CNBD1: variants seen among roughly 807,000 people sequenced by gnomAD.
CNBD1 encodes the protein cyclic nucleotide binding domain containing 1, also known as cyclic nucleotide-binding domain-containing protein 1.
A neutral mutation model predicts 54.4 loss-of-function variants in CNBD1; 71 were observed. That is an observed-to-expected ratio of 1.30 (90% CI 1.08 to 1.59). The LOEUF is 1.59. Among genes scored for constraint, CNBD1 ranks in the 40% most tolerant of loss-of-function variants. The probability of loss-of-function intolerance (pLI) is 0.00; values close to 1 mark genes in which losing one functional copy is unlikely to be tolerated. For missense variants in CNBD1, 659 were observed against 518.0 expected (o/e 1.27, Z -2.64); for synonymous variants, 182 against 170.7 (o/e 1.07, Z -0.51).
chr8:87,017,468 C>T (rs934355948), intron 4 of CNBD1, among the ~76,000 whole-genome samples: 4 of 152,150 alleles, frequency 2.6e-5, no homozygotes, highest in Non-Finnish European at 5.9e-5. Context: ...GCATTTACTG[C>T]TTTGCTATGG....
chr8:87,209,743 T>TAAAA (rs1814053032), intron 5 of CNBD1, among the ~76,000 whole-genome samples: 1 of 152,122 alleles, frequency 6.6e-6, no homozygotes, highest in South Asian at 2.1e-4. Context: ...AGAACAAAGC[T>TAAAA]AGAGGCATCA....
chr8:87,087,612 A>C (rs1188818164), intron 4 of CNBD1, among the ~76,000 whole-genome samples: 1 of 151,242 alleles, frequency 6.6e-6, no homozygotes, highest in African/African-American at 2.4e-5. Context: ...TACAGGCGCC[A>C]GCCACCACGC....
At chr8:86,947,508 C>T (rs11783526) in intron 4 of CNBD1, among the ~76,000 whole-genome samples, 77,550 of 151,932 alleles carry the variant, frequency 0.51, 20,506 homozygotes, top group Admixed American at 0.59. Flanking sequence ...GTGAAATCTA[C>T]GTTGGACAAA....
intron 4 of CNBD1, among the ~76,000 whole-genome samples, chr8:87,181,387 A>G (rs1586311981): frequency 6.6e-6 from 1 of 152,186 alleles, no homozygotes; most frequent in Non-Finnish European, 1.5e-5. Flanking sequence ...GCATCTCTAC[A>G]ATTTCAAATT....
chr8:87,185,356 C>T (rs951663005), intron 4 of CNBD1, among the ~76,000 whole-genome samples: 17 of 151,978 alleles, frequency 1.1e-4, no homozygotes, highest in Admixed American at 7.9e-4. Flanking sequence ...TTTACTTCTT[C>T]GCGTAGTAAT....
At chr8:87,234,025 A>G (rs1456032808) in intron 5 of CNBD1, among the ~76,000 whole-genome samples, 1 of 152,176 alleles carries the variant, frequency 6.6e-6, no homozygotes, top group East Asian at 1.9e-4. Flanking sequence ...TAAAGAAACC[A>G]CTTTCTTTGT....
intron 4 of CNBD1, among the ~76,000 whole-genome samples, chr8:87,036,253 T>C (rs1349005409): frequency 6.6e-6 from 1 of 152,198 alleles, no homozygotes; most frequent in Non-Finnish European, 1.5e-5. Context: ...CCTCGTATTT[T>C]AAAAAATTAA....
chr8:87,264,748 A>G (rs1328526310), intron 6 of CNBD1, among the ~76,000 whole-genome samples: 1 of 152,144 alleles, frequency 6.6e-6, no homozygotes, highest in Non-Finnish European at 1.5e-5. Flanking sequence ...TCTGATGACT[A>G]GTGATGATGA....
Position 86,880,756 on chromosome 8 carries a change from A to G in CNBD1, c.89-6786A>G, listed in dbSNP as rs570034058. ...AACTTCAGGCCAATAACCTTTATGA[A>G]CAGCAATGAAAAAATCCTCAACAAA... On this transcript the variant is annotated intron_variant, in intron 1 of 10. Transcript: ENST00000518476. 3.3e-5 allele frequency among the ~76,000 whole-genome samples: 5 copies of G among 151,454 alleles called. No individual in the cohort carries two copies. The East Asian group carries it at 9.6e-4, about 29-fold the overall frequency.
intron 5 of CNBD1, among the ~76,000 whole-genome samples, chr8:87,233,919 C>T (rs1206063383): frequency 2.0e-5 from 3 of 152,174 alleles, no homozygotes; most frequent in African/African-American, 7.2e-5. Context: ...TTCTCTCAAA[C>T]CCTGCCAACT....
intron 2 of CNBD1, among the ~76,000 whole-genome samples, chr8:87,424,526 G>A (rs569425956): frequency 2.0e-4 from 31 of 152,032 alleles, no homozygotes; most frequent in Non-Finnish European, 2.4e-4. Flanking sequence ...CCTTCATTTC[G>A]TTATGTACCC....
At chr8:87,422,251 T>C (rs1466317562) in intron 2 of CNBD1, among the ~76,000 whole-genome samples, 2 of 145,824 alleles carry the variant, frequency 1.4e-5, no homozygotes, top group East Asian at 2.0e-4. Flanking sequence ...GGTAGTTTCT[T>C]TTGCTGTGCA....
At chr8:87,252,917 G>A (rs1161224707) in intron 6 of CNBD1, among the ~76,000 whole-genome samples, 2 of 152,146 alleles carry the variant, frequency 1.3e-5, no homozygotes, top group African/African-American at 2.4e-5. Flanking sequence ...GCTTGACTAA[G>A]TAGAAAGGAG....
In CNBD1 at chr8:87,297,938, A is replaced by G. The variant is rs139909732; in HGVS notation, c.1042+11267A>G. ...TATTTTATCTAGAATTCTATATTCT[A>G]TATATTCTCCCTACATATTCTATAT... On this transcript the variant is annotated intron_variant, in intron 8 of 10. Coordinates refer to ENST00000518476, the MANE Select transcript of CNBD1 (RefSeq NM_173538.3). 8.2e-3 allele frequency among the ~76,000 whole-genome samples: 1,243 copies of G among 151,626 alleles called. 7 individuals are homozygous for G. The highest frequency in any genetic ancestry group is 0.028 in the African/African-American group (1,167 of 41,428).
intron 2 of CNBD1, among the ~76,000 whole-genome samples, chr8:87,424,337 G>T (rs200744414): frequency 1.0e-3 from 157 of 151,908 alleles, no homozygotes; most frequent in Non-Finnish European, 1.5e-3. Context: ...GTGTTTGCTC[G>T]TGCTTTTCTA....
intron 2 of CNBD1, among the ~76,000 whole-genome samples, chr8:87,406,682 G>T (rs1195852933): frequency 6.6e-6 from 1 of 152,022 alleles, no homozygotes; most frequent in Non-Finnish European, 1.5e-5. Context: ...GTTTCACCAT[G>T]TTGGTCAGGC....
At chr8:87,371,198 C>T (rs1056616810) in intron 10 of CNBD1, among the ~76,000 whole-genome samples, 9 of 151,940 alleles carry the variant, frequency 5.9e-5, no homozygotes, top group Admixed American at 2.0e-4. Flanking sequence ...TTAGGATTGA[C>T]TGGGCAATGG....
chr8:86,876,055 G>C (rs569002416), intron 1 of CNBD1, among the ~76,000 whole-genome samples: 3 of 151,982 alleles, frequency 2.0e-5, no homozygotes, highest in Non-Finnish European at 2.9e-5. Context: ...TGTTTTGCTT[G>C]CTTCATCAAA....
chr8:87,220,232 G>A (rs1307661112), intron 5 of CNBD1, among the ~76,000 whole-genome samples: 6 of 151,782 alleles, frequency 4.0e-5, no homozygotes, highest in African/African-American at 9.7e-5. Context: ...TCTCATTTCC[G>A]TGTTTATTCC....
Sources: gnomAD v4.1 joint callset for allele counts (sites outside exome capture counted in the v4.1 genomes callset) on GRCh38, gnomAD v4.1.1 for gene constraint, MANE v1.5 for transcripts, NCBI Gene and HGNC (gene_info 2026-07-23, HGNC 2026-07-21) for gene names.